Variants in CD2AP observed in about 807,000 individuals in gnomAD.
CD2AP encodes the protein CD2-associated protein.
Under a neutral mutation model 85.1 loss-of-function variants are expected in CD2AP, and 46 were observed. The ratio of observed to expected loss-of-function variants is 0.54; its 90% CI spans 0.43 to 0.69. The LOEUF (loss-of-function observed/expected upper bound fraction) is 0.69. Among genes scored for constraint, CD2AP ranks in the 30% least tolerant of loss-of-function variants. The pLI, the probability that CD2AP is intolerant of heterozygous loss-of-function variation, is 0.00. For synonymous variants in CD2AP, 255 were observed against 252.9 expected (o/e 1.01, Z -0.08); for missense variants, 769 against 729.5 (o/e 1.05, Z -0.62).
intron 13 of CD2AP, among the ~76,000 whole-genome samples, chr6:47,601,250 A>G (rs1011367815): frequency 2.0e-5 from 3 of 151,890 alleles, no homozygotes; most frequent in Non-Finnish European, 4.4e-5. Flanking sequence ...CCTATATAGT[A>G]AACAGAGACT....
At chr6:47,532,359 G>GTA (rs1310774375) in intron 2 of CD2AP, among the ~76,000 whole-genome samples, 60 of 129,952 alleles carry the variant, frequency 4.6e-4, no homozygotes, top group African/African-American at 5.9e-4. Context: ...AAAAAAAAAA[G>GTA]TATATATATA....
At chr6:47,606,327 G>A (rs759994758) in intron 14 of CD2AP, 50 bp downstream of exon 14, 1 of 1,065,344 alleles carries the variant, frequency 9.4e-7, no homozygotes, top group Admixed American at 1.7e-5. Context: ...CAAATGCAGA[G>A]TCCATTGGAA....
intron 2 of CD2AP, among the ~76,000 whole-genome samples, chr6:47,521,636 T>TA (rs1766598617): frequency 6.6e-6 from 1 of 152,170 alleles, no homozygotes; most frequent in South Asian, 2.1e-4. Context: ...TAGTTGCCAT[T>TA]AAAAAAGAAG....
At position 47,599,435 on chromosome 6, in the gene CD2AP, A is replaced by G. The variant is rs940356500; in HGVS notation, c.1409A>G (p.Lys470Arg). The G allele has an allele frequency of 1.2e-6, 2 of 1,612,322 alleles. No individual in the cohort carries two copies. The highest frequency in any genetic ancestry group is 4.5e-5 in the East Asian group (2 of 44,686). ...GATTCACTTACAGTAAGGACCTCCA[A>G]AGAAACAGGTAAGTCAGCATGGACA... ...DFDSLTVRTS[K>R]ETDVVNFDDI... The change falls in exon 13 of 18, where the codon AAA becomes AGA. Residue 470 changes from lysine (K) to arginine (R), a missense_variant. By Grantham distance (26) the Lys-to-Arg change is conservative. Transcript: ENST00000359314.
intron 5 of CD2AP, among the ~76,000 whole-genome samples, chr6:47,563,524 A>G (rs891321287): frequency 6.6e-6 from 1 of 152,200 alleles, no homozygotes; most frequent in Non-Finnish European, 1.5e-5. Context: ...GGTTATGGTC[A>G]TGCATGCGTA....
intron 16 of CD2AP, among the ~76,000 whole-genome samples, chr6:47,611,559 A>T (rs1769441735): frequency 6.6e-6 from 1 of 151,898 alleles, no homozygotes. Flanking sequence ...AACATTATAT[A>T]AATAATTTTA....
At chr6:47,606,398 G>C in intron 14 of CD2AP, 121 bp downstream of exon 14, 1 of 703,118 alleles carries the variant, frequency 1.4e-6, no homozygotes, top group Non-Finnish European at 2.6e-6. Flanking sequence ...TTATACTCAA[G>C]TGGCAAATGC....
intron 5 of CD2AP, among the ~76,000 whole-genome samples, chr6:47,567,124 G>C (rs1227017247): frequency 6.6e-6 from 1 of 151,526 alleles, no homozygotes; most frequent in Non-Finnish European, 1.5e-5. Flanking sequence ...TTAACATATG[G>C]GGTATGGAAA....
Position 47,579,436 on chromosome 6 carries a change from G to A in CD2AP, c.955G>A (p.Val319Ile), listed in dbSNP as rs1768410138. The change falls in exon 9 of 18, where the codon GTA (valine) becomes ATA (isoleucine). Residue 319 changes from valine (V) to isoleucine (I), a missense_variant. Val to Ile is a conservative substitution (Grantham distance 29). Transcript: ENST00000359314. ...GGGCGAACTTAATGGTAAAGAAGGA[G>A]TATTTCCAGACAATTTTGCTGTCCA... ...WRGELNGKEG[V>I]FPDNFAVQIN... is the part of the protein sequence containing the mutation. 1.2e-6 allele frequency: 2 copies of A among 1,613,462 alleles called. No individual in the cohort carries two copies. Among genetic ancestry groups the A allele is most frequent in the Admixed American group, 1.7e-5 (1 of 59,992 alleles).
chr6:47,480,121 A>C (rs2113954031), intron 1 of CD2AP, among the ~76,000 whole-genome samples: 1 of 152,262 alleles, frequency 6.6e-6, no homozygotes, highest in South Asian at 2.1e-4. Flanking sequence ...CAATGTTGGT[A>C]TACTCTCGAC....
intron 16 of CD2AP, among the ~76,000 whole-genome samples, chr6:47,610,971 A>ATATATATATATATATATTTTTTTT: frequency 1.8e-5 from 2 of 112,908 alleles, no homozygotes; most frequent in African/African-American, 7.2e-5. Flanking sequence ...ATATATATGT[A>ATATATATATATATATATTTTTTTT]TTTTTTTTTT....
At chr6:47,507,413 A>C (rs1177305819) in intron 2 of CD2AP, among the ~76,000 whole-genome samples, 1 of 152,112 alleles carries the variant, frequency 6.6e-6, no homozygotes, top group Non-Finnish European at 1.5e-5. Context: ...TTTTCAATTT[A>C]CTTTGCCCAG....
chr6:47,525,934 A>G (rs560288748), intron 2 of CD2AP, among the ~76,000 whole-genome samples: 233 of 152,252 alleles, frequency 1.5e-3, no homozygotes, highest in African/African-American at 5.4e-3. Context: ...TGCTTTGACT[A>G]TACATGATTG....
chr6:47,563,346 A>T (rs545964609), intron 5 of CD2AP, among the ~76,000 whole-genome samples: 2 of 152,242 alleles, frequency 1.3e-5, no homozygotes, highest in Non-Finnish European at 2.9e-5. Context: ...TTTGTTTGCC[A>T]CTACATTTTG....
At chr6:47,563,155 G>C (rs1767905876) in intron 5 of CD2AP, 1 of 180,644 alleles carries the variant, frequency 5.5e-6, no homozygotes, top group Admixed American at 5.5e-5. Flanking sequence ...CTTAACCCTT[G>C]TTCTGATTTT....
chr6:47,558,340 C>T (rs553592868), intron 5 of CD2AP, among the ~76,000 whole-genome samples: 18 of 152,164 alleles, frequency 1.2e-4, no homozygotes, highest in Non-Finnish European at 2.1e-4. Context: ...ATTGCCCTGG[C>T]CAGAACTTCC....
intron 1 of CD2AP, among the ~76,000 whole-genome samples, chr6:47,500,262 T>C (rs927798449): frequency 2.0e-5 from 3 of 152,324 alleles, no homozygotes; most frequent in East Asian, 1.9e-4. Context: ...GTGGTTGATA[T>C]AGAGATTGAG....
intron 11 of CD2AP, 22 bp downstream of exon 11, chr6:47,582,087 C>G (rs371385059): frequency 2.9e-6 from 4 of 1,381,764 alleles, no homozygotes; most frequent in Non-Finnish European, 4.1e-6. Flanking sequence ...TTTCAACTTT[C>G]AAAAAAGCAA....
chr6:47,621,043 C>A (rs984533254), intron 17 of CD2AP, among the ~76,000 whole-genome samples: 2 of 152,182 alleles, frequency 1.3e-5, no homozygotes, highest in African/African-American at 4.8e-5. Flanking sequence ...ATTTATTTCT[C>A]TGCTCTAATT....
Sources: gnomAD v4.1 joint callset for allele counts (sites outside exome capture counted in the v4.1 genomes callset) on GRCh38, gnomAD v4.1.1 for gene constraint, MANE v1.5 for transcripts, NCBI Gene and HGNC (gene_info 2026-07-23, HGNC 2026-07-21) for gene names.